Variants in CTNNA3 observed in about 807,000 individuals in gnomAD.
CTNNA3 encodes the protein catenin alpha 3.
A neutral mutation model predicts 95.7 loss-of-function variants in CTNNA3; 76 were observed. That is an observed-to-expected ratio of 0.79 (90% CI 0.66 to 0.96). The LOEUF is 0.96. CTNNA3 is among the 40% of genes least tolerant of loss of function. The pLI, the probability that CTNNA3 is intolerant of heterozygous loss-of-function variation, is 0.00. For synonymous variants in CTNNA3, 431 were observed against 374.4 expected (o/e 1.15, Z -1.74); for missense variants, 1,191 against 1,089.8 (o/e 1.09, Z -1.31).
chr10:67,373,467 T>C (rs529777633), intron 5 of CTNNA3, among the ~76,000 whole-genome samples: 31 of 152,264 alleles, frequency 2.0e-4, no homozygotes, highest in Admixed American at 2.0e-4. Context: ...GCACCCAGAT[T>C]CATAAAGCAA....
At chr10:67,520,332 A>C (rs1839945773) in intron 5 of CTNNA3, among the ~76,000 whole-genome samples, 1 of 152,158 alleles carries the variant, frequency 6.6e-6, no homozygotes, top group African/African-American at 2.4e-5. Context: ...AGGCATTTAC[A>C]TTCTTCCAAA....
chr10:67,759,640 T>C (rs1356445541), intron 1 of CTNNA3, among the ~76,000 whole-genome samples: 1 of 152,218 alleles, frequency 6.6e-6, no homozygotes. Flanking sequence ...GCAGGACTTG[T>C]GAATATAATA....
At chr10:67,509,390 G>T (rs112807971) in intron 5 of CTNNA3, among the ~76,000 whole-genome samples, 2 of 152,020 alleles carry the variant, frequency 1.3e-5, no homozygotes, top group Non-Finnish European at 2.9e-5. Flanking sequence ...CCTGCCCTGT[G>T]TCCAAGTGTT....
chr10:65,957,212 C>T (rs186233127), intron 17 of CTNNA3, among the ~76,000 whole-genome samples: 92 of 152,070 alleles, frequency 6.0e-4, no homozygotes, highest in Non-Finnish European at 1.1e-3. Context: ...GGATTGCAAC[C>T]CCTGCCTTTT....
intron 7 of CTNNA3, among the ~76,000 whole-genome samples, chr10:66,853,914 G>A (rs879277602): frequency 6.6e-6 from 1 of 151,640 alleles, no homozygotes; most frequent in African/African-American, 2.4e-5. Context: ...CATCCTGAAT[G>A]CACTGAATGT....
chr10:66,350,795 T>C (rs1254316601), intron 12 of CTNNA3, among the ~76,000 whole-genome samples: 1 of 152,048 alleles, frequency 6.6e-6, no homozygotes, highest in Admixed American at 6.6e-5. Flanking sequence ...TCCTGAATTT[T>C]ACACTATTTA....
intron 7 of CTNNA3, among the ~76,000 whole-genome samples, chr10:67,172,083 A>AGG (rs1862047944): frequency 6.6e-6 from 1 of 152,160 alleles, no homozygotes; most frequent in Non-Finnish European, 1.5e-5. Context: ...GTGCCTTTGC[A>AGG]CAGGCTCTTA....
rs552233517 is a variant in CTNNA3, at chr10:67,073,263, G to A, written c.1047+107054C>T. Among the ~76,000 whole-genome samples the A allele has an allele frequency of 3.5e-3, 540 of 152,220 alleles. 4 individuals carry two copies. Among genetic ancestry groups the A allele is most frequent in the Non-Finnish European group, 4.4e-3 (300 of 68,028 alleles). On this transcript the variant is annotated intron_variant, in intron 7 of 17. Transcript: ENST00000433211. ...AAAGCTATTACATTTTAATAGCTCTGATTAGTTTTTAAAACTCTATTGACA... is the reference window on the plus strand; with the variant it reads ...AAAGCTATTACATTTTAATAGCTCTAATTAGTTTTTAAAACTCTATTGACA...
chr10:66,474,940 T>G (rs79540429), intron 11 of CTNNA3, among the ~76,000 whole-genome samples: 4,222 of 152,122 alleles, frequency 0.028, 202 homozygotes, highest in African/African-American at 0.095. Context: ...TGAGTTCAGT[T>G]GAGTTCCTTA....
intron 9 of CTNNA3, among the ~76,000 whole-genome samples, chr10:66,742,668 C>T (rs189788288): frequency 1.3e-5 from 2 of 152,248 alleles, no homozygotes; most frequent in East Asian, 1.9e-4. Flanking sequence ...CTCAGACCGG[C>T]TGACACTTAG....
chr10:67,645,254 T>C (rs566959585), intron 2 of CTNNA3, among the ~76,000 whole-genome samples: 23 of 152,300 alleles, frequency 1.5e-4, no homozygotes, highest in African/African-American at 5.3e-4. Context: ...TTACTTAGAA[T>C]ACTTTCTATT....
chr10:66,768,226 T>C (rs1027112270), intron 8 of CTNNA3, among the ~76,000 whole-genome samples: 2 of 152,192 alleles, frequency 1.3e-5, no homozygotes, highest in African/African-American at 4.8e-5. Context: ...TTAGGACATG[T>C]AGATTATTCT....
rs535663045 is a variant in CTNNA3 at position 67,615,727 on chromosome 10, A to G, written c.100-8678T>C. On this transcript the variant is annotated intron_variant, in intron 2 of 17. Transcript: ENST00000433211. ...ACCCAGGCTAGAGTGCAGTGGTGCT[A>G]TCTTGGCTCACTGCAACCTCTGCCT... Among the ~76,000 whole-genome samples, 126 of 128,646 alleles carry G rather than the reference A, an allele frequency of 9.8e-4. 1 individual carries two copies. Among genetic ancestry groups the G allele is most frequent in the Admixed American group, 2.9e-3 (29 of 9,884 alleles). The allele number at this position is 128,646 out of a possible 152,430, so 84.4% of individuals were successfully genotyped here. A position where few individuals can be genotyped will look rare whatever the true frequency, so the allele number is the denominator to read the frequency against.
chr10:67,746,371 G>A (rs1841375023), intron 1 of CTNNA3, among the ~76,000 whole-genome samples: 1 of 152,156 alleles, frequency 6.6e-6, no homozygotes, highest in Non-Finnish European at 1.5e-5. Context: ...ATAACTATAT[G>A]CACATGAATG....
chr10:66,014,352 CA>C (rs5785738), intron 15 of CTNNA3, among the ~76,000 whole-genome samples: 27,216 of 152,072 alleles, frequency 0.18, 2,665 homozygotes, highest in Admixed American at 0.25. Flanking sequence ...GTGCCATTTG[CA>C]GCTCAGTTAC....
chr10:67,200,668 A>G (rs934659241), intron 6 of CTNNA3, among the ~76,000 whole-genome samples: 1 of 152,154 alleles, frequency 6.6e-6, no homozygotes, highest in Admixed American at 6.5e-5. Context: ...GATGCCCACA[A>G]GTCATATACC....
At chr10:67,298,940 T>A (rs76276021) in intron 5 of CTNNA3, among the ~76,000 whole-genome samples, 1 of 151,578 alleles carries the variant, frequency 6.6e-6, no homozygotes, top group African/African-American at 2.4e-5. Flanking sequence ...TTTTTTTTTT[T>A]AGACGAAGTC....
chr10:66,704,461 G>A (rs1848054420), intron 9 of CTNNA3, among the ~76,000 whole-genome samples: 1 of 152,124 alleles, frequency 6.6e-6, no homozygotes, highest in South Asian at 2.1e-4. Flanking sequence ...ACACAGTAAT[G>A]CATGTAGGTC....
intron 1 of CTNNA3, among the ~76,000 whole-genome samples, chr10:67,759,294 C>T (rs1841450192): frequency 6.6e-6 from 1 of 152,144 alleles, no homozygotes; most frequent in Non-Finnish European, 1.5e-5. Flanking sequence ...AAAACATATA[C>T]CTAGAGTTAT....
Sources: allele counts gnomAD v4.1 joint callset (sites outside exome capture counted in the v4.1 genomes callset), GRCh38; gene constraint gnomAD v4.1.1; transcripts MANE v1.5; gene names NCBI Gene and HGNC (gene_info 2026-07-23, HGNC 2026-07-21).